MUC17: variants seen among roughly 807,000 people sequenced by gnomAD.
The protein encoded by MUC17 is mucin 17, cell surface associated.
Under a neutral mutation model 170.3 loss-of-function variants are expected in MUC17, and 190 were observed. That is an observed-to-expected ratio of 1.12 (90% CI 0.99 to 1.26). The LOEUF (loss-of-function observed/expected upper bound fraction) is 1.26, where lower values mean the gene tolerates loss of function less well. Ranked by LOEUF, MUC17 falls within the 50% of genes most tolerant of loss-of-function variation. MUC17 has a pLI of 0.00. For missense variants in MUC17, 6,415 were observed against 5,530.0 expected, an observed-to-expected ratio of 1.16 and a Z score of -5.08; for synonymous variants, 2,325 against 2,002.5, an observed-to-expected ratio of 1.16 and a Z score of -4.30.
At position 101,037,879 on chromosome 7, in the gene MUC17, A is replaced by G. The variant is rs28410465; in HGVS notation, c.6463A>G (p.Thr2155Ala). The G allele has an allele frequency of 7.2e-4, 1,154 of 1,610,782 alleles. 9 individuals carry two copies. In the African/African-American group the frequency reaches 0.014, roughly 19 times the overall value. ...TGAAGGTACCAGCATGCAAACCTCA[A>G]CTTATAGTGACAGAAGAACTCCTTT... ...PTEGTSMQTS[T>A]YSDRRTPLTS... Residue 2155 changes from threonine to alanine, a missense_variant, in exon 3 of 13, where the codon ACT becomes GCT. Thr to Ala is a moderately conservative substitution (Grantham distance 58, BLOSUM62 0). Coordinates refer to ENST00000306151, the MANE Select transcript of MUC17 (RefSeq NM_001040105.2).
Position 101,038,283 on chromosome 7 carries a change from G to T in MUC17, c.6867G>T (p.Thr2289=), listed in dbSNP as rs775448898. Residue 2289 remains threonine, a synonymous_variant, in exon 3 of 13, where the codon ACG becomes ACT. Transcript: ENST00000306151. ...TAACAAGTATACCTGTCAGCCACACGCTGGTGGCCAATTCTGAGGTTAGCA... is the reference window on the plus strand; with the variant it reads ...TAACAAGTATACCTGTCAGCCACACTCTGGTGGCCAATTCTGAGGTTAGCA... ...TPLTSIPVSH[T]LVANSEVSTL... is the part of the protein sequence containing the mutation. The T allele has an allele frequency of 1.2e-6, 2 of 1,613,146 alleles. No homozygotes were observed. Among genetic ancestry groups the T allele is most frequent in the East Asian group, 2.2e-5 (1 of 44,812 alleles).
chr7:101,050,895 C>A (rs2116475509), intron 7 of MUC17, among the ~76,000 whole-genome samples: 1 of 152,160 alleles, frequency 6.6e-6, no homozygotes. Context: ...AGTAGGAGAA[C>A]ATGGAGATCC....
At chr7:101,047,897 C>T (rs1446617013) in intron 3 of MUC17, 87 bp from the exon 4 acceptor site, 35 of 1,420,232 alleles carry the variant, frequency 2.5e-5, no homozygotes, top group Non-Finnish European at 3.2e-5. Context: ...CTGTGCTCAA[C>T]ATGTAACCAC....
In MUC17 at chr7:101,034,037, C is replaced by G; in HGVS notation, c.2621C>G (p.Thr874Ser). The change falls in exon 3 of 13, where the codon ACC becomes AGC. Residue 874 changes from threonine (T) to serine (S), a missense_variant. Coordinates refer to ENST00000306151, the MANE Select transcript of MUC17 (RefSeq NM_001040105.2). ...CCTTTAACAAGTATGCCTGTCAGCA[C>G]CACACTGGTGGCCACTTCTGCAATC... is the stretch of plus-strand genomic sequence containing the variant. The part of the protein sequence containing the change: ...RTPLTSMPVS[T>S]TLVATSAIST... The G allele has an allele frequency of 6.2e-7, 1 of 1,601,700 alleles. No homozygotes were observed. Among genetic ancestry groups the G allele is most frequent in the Non-Finnish European group, 8.5e-7 (1 of 1,173,226 alleles).
chr7:101,038,726 C>T lies in MUC17; in HGVS notation c.7310C>T (p.Ser2437Phe), dbSNP rs1794576904. ...PVTTSTEASS[S>F]PTTAEGTSIP... ...ACCACTTCTACTGAAGCCAGTTCAT[C>T]TCCTACAACTGCTGAAGGTACCAGC... is the stretch of plus-strand genomic sequence containing the variant. The change falls in exon 3 of 13, where the codon TCT (serine) becomes TTT (phenylalanine). Residue 2437 changes from serine to phenylalanine, a missense_variant. Physicochemically the swap from Ser to Phe is radical, Grantham distance 155. Transcript: ENST00000306151. 6.2e-7 allele frequency: 1 copy of T among 1,612,906 alleles called. No homozygotes were observed. The highest frequency in any genetic ancestry group is 8.5e-7 in the Non-Finnish European group (1 of 1,179,254).
intron 9 of MUC17, 132 bp downstream of exon 9, chr7:101,052,094 C>T (rs1036726918): frequency 4.1e-5 from 45 of 1,092,130 alleles, no homozygotes; most frequent in Non-Finnish European, 5.8e-5. Flanking sequence ...TGAATGTGTC[C>T]AGCTGCAGAG....
At chr7:101,044,413 A>T (rs2116462442) in intron 3 of MUC17, among the ~76,000 whole-genome samples, 1 of 152,308 alleles carries the variant, frequency 6.6e-6, no homozygotes. Flanking sequence ...ATCTCCACTC[A>T]CTACTTTTTG....
Position 101,036,894 on chromosome 7 carries a change from C to A in MUC17, c.5478C>A (p.Ser1826Arg), listed in dbSNP as rs747573004. 8.7e-6 allele frequency: 14 copies of A among 1,613,332 alleles called. No individual in the cohort carries two copies. Among genetic ancestry groups the A allele is most frequent in the Non-Finnish European group, 1.0e-5 (12 of 1,179,562 alleles). The change falls in exon 3 of 13, where the codon AGC becomes AGA. Residue 1826 changes from serine to arginine, a missense_variant. Transcript: ENST00000306151. ...CGCTGGTGGCCAATTCTGAGGCTAG[C>A]ACCCTTTCAACAACTCCTGTTGACT... ...SHTLVANSEASTLSTTPVDSN... is the reference protein window; with the variant it reads ...SHTLVANSEARTLSTTPVDSN...
In MUC17 at chr7:101,033,104, C is replaced by A. The variant is rs1794344770; in HGVS notation, c.1688C>A (p.Ser563Ter). 6.2e-7 allele frequency: 1 copy of A among 1,612,062 alleles called. No homozygotes were observed. The highest frequency in any genetic ancestry group is 8.5e-7 in the Non-Finnish European group (1 of 1,178,750). Reference sequence around the variant, plus strand: ...CCTGAAGGTACCAGCATACCAACCTCAACTCCTAGTGAAGGAAGCACTCCA... The same window carrying A: ...CCTGAAGGTACCAGCATACCAACCTAAACTCCTAGTGAAGGAAGCACTCCA... ...TTPEGTSIPT[S>*]TPSEGSTPLT... Residue 563 changes from serine (S) to a stop codon, truncating the protein, a stop_gained, in exon 3 of 13, where the codon TCA becomes TAA. Transcript: ENST00000306151. LOFTEE classifies it high-confidence loss of function.
chr7:101,037,969 C>T lies in MUC17; in HGVS notation c.6553C>T (p.Pro2185Ser). 2.5e-6 allele frequency: 4 copies of T among 1,608,574 alleles called. No individual in the cohort carries two copies. Among genetic ancestry groups the T allele is most frequent in the Non-Finnish European group, 2.5e-6 (3 of 1,176,722 alleles). ...SSAISTLSTT[P>S]VDTSTPVTNS... ...TGCAATCAGCACCCTTTCAACAACT[C>T]CTGTTGACACCAGCACACCTGTGAC... is the stretch of plus-strand genomic sequence containing the variant. The change falls in exon 3 of 13, where the codon CCT becomes TCT. Residue 2185 changes from proline to serine, a missense_variant. By Grantham distance (74) the Pro-to-Ser change is moderately conservative. Coordinates refer to ENST00000306151, the MANE Select transcript of MUC17 (RefSeq NM_001040105.2).
Position 101,038,661 on chromosome 7 carries a change from C to T in MUC17, c.7245C>T (p.Ser2415=), listed in dbSNP as rs760422444. 3.1e-6 allele frequency: 5 copies of T among 1,614,024 alleles called. No homozygotes were observed. Among genetic ancestry groups the T allele is most frequent in the Non-Finnish European group, 4.2e-6 (5 of 1,179,998 alleles). Residue 2415 remains serine (S), a synonymous_variant, in exon 3 of 13, where the codon AGC becomes AGT. Transcript: ENST00000306151. Reference sequence around the variant, plus strand: ...TGCCGGTGGTCAGTTCTGAGGCTAGCACCCATTCCACAACTCCTGTTGACA... The same window carrying T: ...TGCCGGTGGTCAGTTCTGAGGCTAGTACCCATTCCACAACTCCTGTTGACA... The part of the protein sequence containing the change: ...STMPVVSSEA[S]THSTTPVDTS...
intron 1 of MUC17, 104 bp from the exon 2 acceptor site, chr7:101,031,016 A>T: frequency 7.4e-7 from 1 of 1,359,362 alleles, no homozygotes; most frequent in Non-Finnish European, 9.8e-7. Flanking sequence ...AGGCTGGTTC[A>T]GGGGCCAGGG....
At position 101,035,693 on chromosome 7, in the gene MUC17, C is replaced by G; in HGVS notation, c.4277C>G (p.Pro1426Arg). 6.2e-7 allele frequency: 1 copy of G among 1,608,360 alleles called. No individual in the cohort carries two copies. Among genetic ancestry groups the G allele is most frequent in the Non-Finnish European group, 8.5e-7 (1 of 1,176,736 alleles). ...GCAACTCCTGTTGACACCAGCACCC[C>G]TGGGACCACTTCTGCTGAAGCCACT... ...LSATPVDTST[P>R]GTTSAEATSS... Residue 1426 changes from proline (P) to arginine (R), a missense_variant, in exon 3 of 13, where the codon CCT becomes CGT. Transcript: ENST00000306151.
rs770658097 is a variant in MUC17 at position 101,034,323 on chromosome 7, A to G, written c.2907A>G (p.Glu969=). The change falls in exon 3 of 13, where the codon GAA becomes GAG. Residue 969 remains glutamate (E), a synonymous_variant. Coordinates refer to ENST00000306151, the MANE Select transcript of MUC17 (RefSeq NM_001040105.2). ...CCACTTCATCTCCTACAACTGCTGA[A>G]GGTACCAGCATACCAACCTCGACTC... ...TEATSSPTTA[E]GTSIPTSTPS... is the part of the protein sequence containing the mutation. 6.2e-7 allele frequency: 1 copy of G among 1,607,122 alleles called. No individual in the cohort carries two copies. The highest frequency in any genetic ancestry group is 8.5e-7 in the Non-Finnish European group (1 of 1,177,176).
intron 1 of MUC17, 87 bp from the exon 2 acceptor site, chr7:101,031,033 C>T: frequency 6.9e-7 from 1 of 1,452,170 alleles, no homozygotes; most frequent in South Asian, 1.6e-5. Context: ...AGGGACTTTC[C>T]AGGGCAGGGA....
chr7:101,032,797 A>G lies in MUC17; in HGVS notation c.1381A>G (p.Thr461Ala). Residue 461 changes from threonine to alanine, a missense_variant, in exon 3 of 13, where the codon ACC becomes GCC. Transcript: ENST00000306151. Reference protein sequence around the residue: ...STPLTSMPVSTTPVASSEASN... With the variant: ...STPLTSMPVSATPVASSEASN... ...TCCATTAACAAGTATGCCTGTCAGCACCACTCCAGTGGCCAGTTCTGAGGC... is the reference window on the plus strand; with the variant it reads ...TCCATTAACAAGTATGCCTGTCAGCGCCACTCCAGTGGCCAGTTCTGAGGC... 6.2e-7 allele frequency: 1 copy of G among 1,614,092 alleles called. No individual in the cohort carries two copies. Among genetic ancestry groups the G allele is most frequent in the East Asian group, 2.2e-5 (1 of 44,868 alleles).
chr7:101,035,331 T>C lies in MUC17; in HGVS notation c.3915T>C (p.Thr1305=). ...ASTLLTTPVD[T]KGPVVTSNEV... is the part of the protein sequence containing the mutation. ...CCCTTTTAACAACTCCTGTTGACAC[T>C]AAAGGTCCTGTGGTCACTTCTAATG... The change falls in exon 3 of 13, where the codon ACT becomes ACC. Residue 1305 remains threonine, a synonymous_variant. Transcript: ENST00000306151. 2 of 1,606,654 alleles carry C rather than the reference T, an allele frequency of 1.2e-6. No individual in the cohort carries two copies. The highest frequency in any genetic ancestry group is 1.1e-5 in the South Asian group (1 of 90,590).
In MUC17 at chr7:101,042,685, AC is replaced by A. The variant is rs747981686; in HGVS notation, c.11270del (p.Thr3757IlefsTer29). The A allele has an allele frequency of 6.2e-7, 1 of 1,613,890 alleles. No individual in the cohort carries two copies. The highest frequency in any genetic ancestry group is 8.5e-7 in the Non-Finnish European group (1 of 1,180,032). On this transcript the variant is annotated frameshift_variant, in exon 3 of 13. Coordinates refer to ENST00000306151, the MANE Select transcript of MUC17 (RefSeq NM_001040105.2). LOFTEE classifies it high-confidence loss of function. ...MPMEISTLGTTILVSTTPVTR... is the reference protein window; with the variant it reads ...MPMEISTLGTXILVSTTPVTR... ...CATGGAAATAAGCACCCTTGGGACC[AC>A]TATTCTTGTCAGTACCACACCTGTT...
rs1794647158 is a variant in MUC17 at position 101,040,138 on chromosome 7, T to C, written c.8722T>C (p.Ser2908Pro). 1 of 1,612,570 alleles carries C rather than the reference T, an allele frequency of 6.2e-7. No individual in the cohort carries two copies. The highest frequency in any genetic ancestry group is 2.2e-5 in the East Asian group (1 of 44,794). ...TGTCACCACTTCTACTGAAGGCAGT[T>C]CTTCTCCTACAACTGCTGAAGGTAC... ...IPVTTSTEGS[S>P]SPTTAEGTSM... The change falls in exon 3 of 13, where the codon TCT (serine) becomes CCT (proline). Residue 2908 changes from serine to proline, a missense_variant. Coordinates refer to ENST00000306151, the MANE Select transcript of MUC17 (RefSeq NM_001040105.2).
Sources: allele counts gnomAD v4.1 joint callset (sites outside exome capture counted in the v4.1 genomes callset), GRCh38; gene constraint gnomAD v4.1.1; transcripts MANE v1.5; gene names NCBI Gene and HGNC (gene_info 2026-07-23, HGNC 2026-07-21).